Variants in LRP11 observed in about 807,000 individuals in gnomAD.
The protein encoded by LRP11 is LDL receptor related protein 11.
LRP11 carries 25 observed loss-of-function variants against 43.1 expected under a neutral mutation model. The ratio of observed to expected loss-of-function variants is 0.58; its 90% confidence interval spans 0.42 to 0.81. LRP11 has a LOEUF of 0.81. Ranked by LOEUF, LRP11 falls within the 30% of genes least tolerant of loss-of-function variation. The pLI, the probability that LRP11 is intolerant of heterozygous loss-of-function variation, is 0.00. For synonymous variants in LRP11, 316 were observed against 299.4 expected (o/e 1.06, Z -0.57); for missense variants, 623 against 665.1 (o/e 0.94, Z 0.70).
At chr6:149,838,754 A>G (rs1162526416) in intron 3 of LRP11, among the ~76,000 whole-genome samples, 1 of 151,970 alleles carries the variant, frequency 6.6e-6, no homozygotes, top group Non-Finnish European at 1.5e-5. Context: ...TTTAATTTGC[A>G]GTGCAATTCA....
chr6:149,826,201 C>A (rs761407364), intron 6 of LRP11, 63 bp downstream of exon 6: 2 of 1,253,140 alleles, frequency 1.6e-6, no homozygotes, highest in African/African-American at 3.0e-5. Context: ...ATATCCTCAG[C>A]CAGAGGGCAT....
At chr6:149,821,229 AAC>A (rs763743827) in intron 6 of LRP11, among the ~76,000 whole-genome samples, 11 of 152,038 alleles carry the variant, frequency 7.2e-5, no homozygotes, top group Non-Finnish European at 1.3e-4. Flanking sequence ...GTGCCCGGCC[AAC>A]ACAGACCTCT....
At chr6:149,859,231 C>T (rs886474252) in intron 1 of LRP11, among the ~76,000 whole-genome samples, 4 of 151,590 alleles carry the variant, frequency 2.6e-5, no homozygotes, top group Non-Finnish European at 5.9e-5. Flanking sequence ...CCTATTTTTA[C>T]CAAGTTAATA....
Position 149,863,747 on chromosome 6 carries a change from G to T in LRP11, c.274C>A (p.Pro92Thr). 6.8e-7 allele frequency: 1 copy of T among 1,479,220 alleles called. No homozygotes were observed. The highest frequency in any genetic ancestry group is 8.9e-7 in the Non-Finnish European group (1 of 1,121,764). 91.6% of individuals were successfully genotyped at this position (1,479,220 alleles called of 1,614,324 possible). The change falls in exon 1 of 7, where the codon CCG becomes ACG. Residue 92 changes from proline (P) to threonine (T), a missense_variant. Physicochemically the swap from Pro to Thr is conservative, Grantham distance 38 (BLOSUM62 -1). Transcript: ENST00000239367. ...ATTGCGCTGTAGCCGCCGCTGCCCG[G>T]GCCCGGGCAGTCCTCCTGGGGGCCG... The part of the protein sequence containing the change: ...GGGPQEDCPG[P>T]GSGGYSAMPD...
intron 5 of LRP11, among the ~76,000 whole-genome samples, chr6:149,834,080 T>C (rs1296262967): frequency 2.0e-5 from 3 of 152,196 alleles, no homozygotes; most frequent in South Asian, 2.1e-4. Flanking sequence ...CATATGTTCA[T>C]GTGTTCTCAT....
At chr6:149,837,531 G>C in intron 3 of LRP11, 68 bp from the exon 4 acceptor site, 2 of 1,535,352 alleles carry the variant, frequency 1.3e-6, no homozygotes, top group Non-Finnish European at 8.9e-7. Context: ...GGATGACAAA[G>C]GGGAGTCCGT....
Position 149,819,913 on chromosome 6 carries a change from A to G in LRP11, c.*636T>C, listed in dbSNP as rs530477039. 2 of 152,282 alleles carry G rather than the reference A, an allele frequency of 1.3e-5. No individual in the cohort carries two copies. The highest frequency in any genetic ancestry group is 2.1e-4 in the South Asian group (1 of 4,828). The allele number at this position is 152,282 out of a possible 1,614,324, so 9.4% of individuals were successfully genotyped here. On this transcript the variant is annotated 3_prime_UTR_variant, in exon 7 of 7. Transcript: ENST00000239367. ...TCAAAGTCTGGGGTTTTTTTCTCCC[A>G]AAGGTCAGTCTAAGGAGGCAGCCAC...
chr6:149,834,516 C>T (rs556522058), intron 5 of LRP11, among the ~76,000 whole-genome samples: 1 of 152,366 alleles, frequency 6.6e-6, no homozygotes, highest in South Asian at 2.1e-4. Flanking sequence ...AGGAATTCAT[C>T]CATCCTGGCC....
In LRP11 at chr6:149,836,081, T is replaced by C. The variant is rs999254218; in HGVS notation, c.1252+4A>G. 2 of 1,613,018 alleles carry C rather than the reference T, an allele frequency of 1.2e-6. No homozygotes were observed. The highest frequency in any genetic ancestry group is 1.7e-6 in the Non-Finnish European group (2 of 1,178,988). On this transcript the variant is annotated splice_donor_region_variant and intron_variant, in intron 5 of 6. Coordinates refer to ENST00000239367, the MANE Select transcript of LRP11 (RefSeq NM_032832.6). The stretch of plus-strand genomic sequence containing the variant: ...TTCATTGAGAACCCACCGTGAATCC[T>C]TACCTGGCATCACAGGAATGATTTG...
chr6:149,850,373 G>C (rs962682043), intron 2 of LRP11, among the ~76,000 whole-genome samples: 6 of 152,312 alleles, frequency 3.9e-5, no homozygotes, highest in East Asian at 1.9e-4. Flanking sequence ...TCAAGTTAAA[G>C]GGATCAGAGG....
chr6:149,823,468 T>C (rs987347467), intron 6 of LRP11, among the ~76,000 whole-genome samples: 9 of 152,138 alleles, frequency 5.9e-5, no homozygotes, highest in African/African-American at 1.7e-4. Flanking sequence ...CCTCTTCCTT[T>C]AGTACTGGAG....
chr6:149,842,932 G>C (rs377687383), intron 3 of LRP11, 51 bp downstream of exon 3: 1 of 1,608,018 alleles, frequency 6.2e-7, no homozygotes, highest in Non-Finnish European at 8.5e-7. Flanking sequence ...GCGCCAACCC[G>C]ACATTGCCTT....
intron 2 of LRP11, among the ~76,000 whole-genome samples, chr6:149,850,980 C>T (rs963680870): frequency 2.6e-5 from 4 of 152,162 alleles, no homozygotes; most frequent in African/African-American, 7.2e-5. Context: ...GTGCTCAATC[C>T]GTGGGGGCTT....
At chr6:149,822,717 A>G (rs562658671) in intron 6 of LRP11, among the ~76,000 whole-genome samples, 4 of 152,326 alleles carry the variant, frequency 2.6e-5, no homozygotes, top group African/African-American at 9.6e-5. Flanking sequence ...TATACTTACT[A>G]TGATAGAATT....
At chr6:149,854,085 C>G (rs1257729963) in intron 1 of LRP11, among the ~76,000 whole-genome samples, 2 of 152,192 alleles carry the variant, frequency 1.3e-5, no homozygotes, top group Non-Finnish European at 2.9e-5. Context: ...CCAGCAGGCT[C>G]AGATGACTAC....
At position 149,863,412 on chromosome 6, in the gene LRP11, CCGGGG is replaced by C. The variant is rs2115433034; in HGVS notation, c.604_608del (p.Pro202AlafsTer9). 3 of 1,336,738 alleles carry C rather than the reference CCGGGG, an allele frequency of 2.2e-6. No individual in the cohort carries two copies. In the East Asian group the frequency reaches 8.6e-5, roughly 38 times the overall value. The allele number at this position is 1,336,738 out of a possible 1,614,324, so 82.8% of individuals were successfully genotyped here. On this transcript the variant is annotated frameshift_variant, in exon 1 of 7. Coordinates refer to ENST00000239367, the MANE Select transcript of LRP11 (RefSeq NM_032832.6). LOFTEE classifies it high-confidence loss of function. ...GCCCCTCAGTCGCGCGCTTACCCTG[CCGGGG>C]CGAGGCGCGCGCGGTGGCCAGGGCG...
chr6:149,856,959 C>T (rs1436408156), intron 1 of LRP11, among the ~76,000 whole-genome samples: 3 of 152,000 alleles, frequency 2.0e-5, no homozygotes, highest in Non-Finnish European at 2.9e-5. Flanking sequence ...TGCAACACTT[C>T]GGAAAAAAAA....
chr6:149,825,931 G>A (rs1776333201), intron 6 of LRP11, among the ~76,000 whole-genome samples: 1 of 152,190 alleles, frequency 6.6e-6, no homozygotes, highest in African/African-American at 2.4e-5. Flanking sequence ...TTACAGGCGT[G>A]AGCCACTGTG....
rs535698586 is a variant in LRP11, at chr6:149,858,159, G to A, written c.614-4999C>T. Among the ~76,000 whole-genome samples the A allele has an allele frequency of 1.5e-4, 23 of 152,202 alleles. No homozygotes were observed. In the East Asian group the frequency reaches 2.9e-3, roughly 19 times the overall value. On this transcript the variant is annotated intron_variant, in intron 1 of 6. Transcript: ENST00000239367. ...GTTGGTTTGCTGCCCCCTTCAACTC[G>A]TCATTTACATTAGGTATTTGTCCTA...
Sources: allele counts gnomAD v4.1 joint callset (sites outside exome capture counted in the v4.1 genomes callset), GRCh38; gene constraint gnomAD v4.1.1; transcripts MANE v1.5; gene names NCBI Gene and HGNC (gene_info 2026-07-23, HGNC 2026-07-21).